KALRN: variants seen among roughly 807,000 people sequenced by gnomAD.
KALRN encodes kalirin RhoGEF kinase.
KALRN carries 70 observed loss-of-function variants against 353.7 expected under a neutral mutation model. The observed-to-expected ratio is 0.20, with a 90% CI of 0.16 to 0.24. KALRN has a LOEUF of 0.24. KALRN is among the 10% of genes least tolerant of loss of function. KALRN has a pLI of 1.00. For synonymous variants in KALRN, 1,391 were observed against 1,434.8 expected (o/e 0.97, Z 0.69); for missense variants, 2,791 against 3,756.7 (o/e 0.74, Z 6.72).
At chr3:124,488,168 A>G (rs2062761803) in intron 28 of KALRN, 36 bp from the exon 29 acceptor site, 1 of 1,309,706 alleles carries the variant, frequency 7.6e-7, no homozygotes, top group Non-Finnish European at 1.1e-6. Context: ...GCTGGGGGAG[A>G]TGGCCCTAAT....
chr3:124,397,954 C>T (rs989220448), intron 12 of KALRN, among the ~76,000 whole-genome samples: 5 of 152,198 alleles, frequency 3.3e-5, no homozygotes, highest in African/African-American at 1.2e-4. Context: ...AGTTCATGTG[C>T]ACTCTTATTT....
At chr3:124,344,608 A>G (rs2082090606) in intron 9 of KALRN, among the ~76,000 whole-genome samples, 1 of 152,204 alleles carries the variant, frequency 6.6e-6, no homozygotes, top group African/African-American at 2.4e-5. Context: ...TAACTCCCTA[A>G]ATTATTTGCT....
At chr3:124,221,695 T>C (rs2077925394) in intron 1 of KALRN, among the ~76,000 whole-genome samples, 1 of 152,138 alleles carries the variant, frequency 6.6e-6, no homozygotes, top group South Asian at 2.1e-4. Context: ...TTTGGTTAGC[T>C]CCGTGGATGA....
intron 10 of KALRN, among the ~76,000 whole-genome samples, chr3:124,348,430 T>A (rs2082494790): frequency 6.6e-6 from 1 of 152,138 alleles, no homozygotes; most frequent in East Asian, 1.9e-4. Flanking sequence ...GGAGCATTAC[T>A]GCATCTCTAG....
At chr3:124,464,119 T>G (rs1366385385) in intron 25 of KALRN, among the ~76,000 whole-genome samples, 3 of 152,196 alleles carry the variant, frequency 2.0e-5, no homozygotes, top group Non-Finnish European at 4.4e-5. Flanking sequence ...CAGCTCAGTA[T>G]CATCCCATCT....
intron 3 of KALRN, among the ~76,000 whole-genome samples, chr3:124,250,280 G>T (rs2070943705): frequency 6.6e-6 from 1 of 152,230 alleles, no homozygotes; most frequent in Non-Finnish European, 1.5e-5. Flanking sequence ...CACCTGGCCT[G>T]CCAGGAAACC....
intron 11 of KALRN, among the ~76,000 whole-genome samples, chr3:124,387,034 T>G (rs1462262102): frequency 6.6e-6 from 1 of 152,218 alleles, no homozygotes; most frequent in Non-Finnish European, 1.5e-5. Context: ...TCCTTTTCTA[T>G]CTCCTCTCCT....
At chr3:124,618,603 A>C (rs2078920057) in intron 34 of KALRN, among the ~76,000 whole-genome samples, 1 of 152,226 alleles carries the variant, frequency 6.6e-6, no homozygotes, top group African/African-American at 2.4e-5. Flanking sequence ...AGGAGAAAAT[A>C]TTACTAGATA....
At chr3:124,198,376 G>A (rs1006595695) in intron 1 of KALRN, among the ~76,000 whole-genome samples, 4 of 152,238 alleles carry the variant, frequency 2.6e-5, no homozygotes, top group African/African-American at 9.6e-5. Flanking sequence ...TAAGTTTATT[G>A]TATTAGATTT....
chr3:124,034,104 C>G (rs1253109476), intron 1 of KALRN, among the ~76,000 whole-genome samples: 2 of 152,134 alleles, frequency 1.3e-5, no homozygotes, highest in Non-Finnish European at 2.9e-5. Flanking sequence ...TCTCCCAGAG[C>G]GCGGGGATGG....
chr3:124,702,133 A>G lies in KALRN; in HGVS notation c.8075+17A>G, dbSNP rs1312050279. On this transcript the variant is annotated intron_variant, in intron 57 of 59. Transcript: ENST00000682506. Reference sequence around the variant, plus strand: ...AATTGGAAGGTAATGACACAGTTTTATATTCCTTCATTCATGAACACCTAG... The same window carrying G: ...AATTGGAAGGTAATGACACAGTTTTGTATTCCTTCATTCATGAACACCTAG... 2.0e-6 allele frequency: 3 copies of G among 1,538,342 alleles called. No individual in the cohort carries two copies. Among genetic ancestry groups the G allele is most frequent in the South Asian group, 1.1e-5 (1 of 89,340 alleles).
At chr3:124,221,687 T>G (rs567025826) in intron 1 of KALRN, among the ~76,000 whole-genome samples, 3 of 152,274 alleles carry the variant, frequency 2.0e-5, no homozygotes, top group African/African-American at 7.2e-5. Context: ...GGTTTCTGTT[T>G]GGTTAGCTCC....
intron 11 of KALRN, among the ~76,000 whole-genome samples, chr3:124,386,546 C>A (rs1434799032): frequency 6.6e-6 from 1 of 152,082 alleles, no homozygotes; most frequent in African/African-American, 2.4e-5. Flanking sequence ...GGATTCTAGA[C>A]CAGATTCTGC....
In KALRN at chr3:124,719,646, C is replaced by A; in HGVS notation, c.*176C>A. The stretch of plus-strand genomic sequence containing the variant: ...AGGGTCTGAGCAGCAGTAAAAGTCA[C>A]CCTAAATCAAGGGGCTTTTCAGAAG... On this transcript the variant is annotated 3_prime_UTR_variant, in exon 60 of 60. Coordinates refer to ENST00000682506, the MANE Select transcript of KALRN (RefSeq NM_001388419.1). This position sits in a 1 kb window ranked among gnomAD's most constrained non-coding sequence, Gnocchi z 5.3. 1.6e-6 allele frequency: 1 copy of A among 630,144 alleles called. No homozygotes were observed. The highest frequency in any genetic ancestry group is 2.7e-6 in the Non-Finnish European group (1 of 373,888). 39.0% of individuals were successfully genotyped at this position (630,144 alleles called of 1,614,324 possible). A position where few individuals can be genotyped will look rare whatever the true frequency, so the allele number is the denominator to read the frequency against.
intron 4 of KALRN, among the ~76,000 whole-genome samples, chr3:124,267,459 A>G (rs996964936): frequency 6.6e-6 from 1 of 152,226 alleles, no homozygotes; most frequent in Non-Finnish European, 1.5e-5. Flanking sequence ...GATTAGCAGG[A>G]GTTTGCAACT....
chr3:124,057,090 C>T (rs1323738938), intron 1 of KALRN, among the ~76,000 whole-genome samples: 2 of 152,172 alleles, frequency 1.3e-5, no homozygotes, highest in African/African-American at 2.4e-5. Context: ...GGAGTTTTAA[C>T]TGCCATTGAT....
intron 34 of KALRN, among the ~76,000 whole-genome samples, chr3:124,601,199 G>A (rs545046496): frequency 3.3e-5 from 5 of 152,330 alleles, no homozygotes; most frequent in African/African-American, 1.2e-4. Context: ...TGGTTGTGAA[G>A]ATTCAAGTGA....
chr3:124,495,729 TAAAAAA>T (rs1170201040), intron 32 of KALRN, among the ~76,000 whole-genome samples: 4 of 68,234 alleles, frequency 5.9e-5, no homozygotes, highest in South Asian at 1.3e-3. Context: ...GACTCCATCT[TAAAAAA>T]AAAAAAAAAA....
intron 34 of KALRN, chr3:124,584,554 C>G: frequency 8.2e-7 from 1 of 1,224,426 alleles, no homozygotes; most frequent in Non-Finnish European, 1.1e-6. Flanking sequence ...TTACATGAGG[C>G]TCCGGCCGCT....
Sources: allele counts gnomAD v4.1 joint callset (sites outside exome capture counted in the v4.1 genomes callset), GRCh38; gene constraint gnomAD v4.1.1; non-coding constraint Gnocchi (gnomAD v3.1); transcripts MANE v1.5; gene names NCBI Gene and HGNC (gene_info 2026-07-23, HGNC 2026-07-21).